NDST3: variants seen among roughly 807,000 people sequenced by gnomAD.
The protein encoded by NDST3 is N-deacetylase and N-sulfotransferase 3.
Under a neutral mutation model 96.1 loss-of-function variants are expected in NDST3, and 58 were observed. The ratio of observed to expected loss-of-function variants is 0.60; its 90% CI spans 0.49 to 0.75. NDST3 has a LOEUF of 0.75. NDST3 is among the 30% of genes least tolerant of loss of function. The probability of loss-of-function intolerance (pLI) is 0.00; values close to 1 mark genes in which losing one functional copy is unlikely to be tolerated. For synonymous variants in NDST3, 333 were observed against 359.7 expected, an observed-to-expected ratio of 0.93 and a Z score of 0.84; for missense variants, 788 against 1,034.2, an observed-to-expected ratio of 0.76 and a Z score of 3.27.
intron 1 of NDST3, among the ~76,000 whole-genome samples, chr4:118,039,842 G>C (rs1236233700): frequency 6.6e-6 from 1 of 152,154 alleles, no homozygotes; most frequent in Non-Finnish European, 1.5e-5. Flanking sequence ...ACTTAGAAGG[G>C]AGAGCATCAT....
chr4:118,164,155 G>A (rs542598326), intron 6 of NDST3, among the ~76,000 whole-genome samples: 4 of 152,296 alleles, frequency 2.6e-5, no homozygotes, highest in Non-Finnish European at 4.4e-5. Context: ...GGAATACAAT[G>A]CAGCCATAGA....
intron 6 of NDST3, among the ~76,000 whole-genome samples, chr4:118,154,946 G>A (rs575758473): frequency 2.6e-5 from 4 of 152,066 alleles, no homozygotes; most frequent in Admixed American, 2.6e-4. Flanking sequence ...CTCCATGTAG[G>A]GTTAAAAAGC....
intron 1 of NDST3, among the ~76,000 whole-genome samples, chr4:118,040,486 A>C (rs920289788): frequency 6.6e-6 from 1 of 152,070 alleles, no homozygotes; most frequent in Non-Finnish European, 1.5e-5. Flanking sequence ...CTCTGCACTA[A>C]GGGTGGGCTT....
chr4:118,193,567 G>A (rs1737457677), intron 6 of NDST3: 1 of 1,099,592 alleles, frequency 9.1e-7, no homozygotes, highest in South Asian at 1.2e-5. Context: ...TCTTCTCCCA[G>A]GCAAGCTGCC....
chr4:118,132,454 T>G (rs1411716817), intron 4 of NDST3, among the ~76,000 whole-genome samples: 1 of 152,128 alleles, frequency 6.6e-6, no homozygotes, highest in Non-Finnish European at 1.5e-5. Flanking sequence ...GGATTCACCC[T>G]CTGCACAGTG....
At chr4:118,242,284 G>GA (rs200049944) in intron 12 of NDST3, 135 bp downstream of exon 12, 13,506 of 537,216 alleles carry the variant, frequency 0.025, 202 homozygotes, top group African/African-American at 0.083. Context: ...CATTAACCAC[G>GA]GAAAAAAAAA....
intron 2 of NDST3, among the ~76,000 whole-genome samples, chr4:118,088,855 T>A (rs893018726): frequency 2.0e-5 from 3 of 151,948 alleles, no homozygotes; most frequent in African/African-American, 7.2e-5. Context: ...CTTCCATGTC[T>A]AGACCGTTGC....
rs772004450 is a variant in NDST3 at position 118,143,633 on chromosome 4, G to A, written c.1488G>A (p.Leu496=). 2 of 1,608,894 alleles carry A rather than the reference G, an allele frequency of 1.2e-6. No individual in the cohort carries two copies. The highest frequency in any genetic ancestry group is 4.5e-5 in the East Asian group (2 of 44,622). The change falls in exon 6 of 14, where the codon CTG becomes CTA. Residue 496 remains leucine, a synonymous_variant. Transcript: ENST00000296499. ...AATATCCAGGGGGTCCTAAAGAGCT[G>A]GATAAGAGTATCCAAGGAGGAGAAC... ...YKEYPGGPKE[L]DKSIQGGELF...
At chr4:118,240,732 C>T in intron 11 of NDST3, 38 bp downstream of exon 11, 2 of 1,556,190 alleles carry the variant, frequency 1.3e-6, no homozygotes, top group South Asian at 2.4e-5. Context: ...GTTAGAATCT[C>T]ATTAAGTTGA....
intron 6 of NDST3, among the ~76,000 whole-genome samples, chr4:118,214,580 T>G (rs924984178): frequency 6.6e-6 from 1 of 152,208 alleles, no homozygotes; most frequent in Non-Finnish European, 1.5e-5. Context: ...ACAGTATGTA[T>G]CTACTGGACA....
chr4:118,126,514 G>GTGTATATATA (rs1553933921), intron 4 of NDST3, among the ~76,000 whole-genome samples: 1 of 49,260 alleles, frequency 2.0e-5, no homozygotes, highest in African/African-American at 4.2e-5. Flanking sequence ...GTATGTATGT[G>GTGTATATATA]TATATATATA....
chr4:118,255,515 C>A, intron 13 of NDST3, 78 bp from the exon 14 acceptor site: 1 of 1,405,476 alleles, frequency 7.1e-7, no homozygotes, highest in Non-Finnish European at 9.7e-7. Flanking sequence ...ATACTTGGTA[C>A]TTATTTCAAC....
chr4:118,053,852 CT>C lies in NDST3; in HGVS notation c.-55del. 1 of 1,514,100 alleles carries C rather than the reference CT, an allele frequency of 6.6e-7. No homozygotes were observed. The highest frequency in any genetic ancestry group is 8.8e-7 in the Non-Finnish European group (1 of 1,134,422). 93.8% of individuals were successfully genotyped at this position (1,514,100 alleles called of 1,614,324 possible). A position where few individuals can be genotyped will look rare whatever the true frequency, so the allele number is the denominator to read the frequency against. ...ATTGGAAAAGTAGCTGGAACACCAT[CT>C]TTTCTTTTAACTTTTTATGGTGCTT... On this transcript the variant is annotated 5_prime_UTR_variant, in exon 2 of 14. Coordinates refer to ENST00000296499, the MANE Select transcript of NDST3 (RefSeq NM_004784.3).
intron 4 of NDST3, among the ~76,000 whole-genome samples, chr4:118,132,213 T>C (rs529803235): frequency 1.3e-5 from 2 of 152,052 alleles, no homozygotes; most frequent in East Asian, 1.9e-4. Context: ...AGGATTAGAG[T>C]GAAAAACATT....
At chr4:118,145,360 C>T (rs1234596926) in intron 6 of NDST3, among the ~76,000 whole-genome samples, 4 of 152,148 alleles carry the variant, frequency 2.6e-5, no homozygotes, top group African/African-American at 9.7e-5. Flanking sequence ...CATAGAGCAA[C>T]AGAAGTATTA....
intron 6 of NDST3, among the ~76,000 whole-genome samples, chr4:118,198,148 T>C (rs1452163051): frequency 1.3e-5 from 2 of 152,146 alleles, no homozygotes; most frequent in Non-Finnish European, 2.9e-5. Context: ...AAGAACTGTG[T>C]CCATTTACAT....
chr4:118,224,997 G>A lies in NDST3; in HGVS notation c.1722+324G>A, dbSNP rs186276963. ...AAGAGTAGAAGATGGTAAACAGGTCGTTTGTTAGACAGGTAGCCTTTGAAC... is the reference window on the plus strand; with the variant it reads ...AAGAGTAGAAGATGGTAAACAGGTCATTTGTTAGACAGGTAGCCTTTGAAC... On this transcript the variant is annotated intron_variant, in intron 7 of 13. Transcript: ENST00000296499. Among the ~76,000 whole-genome samples the A allele has an allele frequency of 3.7e-4, 56 of 152,212 alleles. No individual in the cohort carries two copies. In the East Asian group the frequency reaches 9.9e-3, roughly 27 times the overall value.
At chr4:118,237,937 C>A (rs1740747915) in intron 10 of NDST3, among the ~76,000 whole-genome samples, 1 of 151,934 alleles carries the variant, frequency 6.6e-6, no homozygotes, top group Admixed American at 6.6e-5. Flanking sequence ...TCAAGACCAG[C>A]CTGGGCAACA....
At chr4:118,192,466 G>A (rs925347569) in intron 6 of NDST3, among the ~76,000 whole-genome samples, 6 of 152,078 alleles carry the variant, frequency 3.9e-5, no homozygotes, top group South Asian at 2.1e-4. Flanking sequence ...TTTATGTGGC[G>A]AGAGATAGGC....
Sources: gnomAD v4.1 joint callset for allele counts (sites outside exome capture counted in the v4.1 genomes callset) on GRCh38, gnomAD v4.1.1 for gene constraint, MANE v1.5 for transcripts, NCBI Gene and HGNC (gene_info 2026-07-23, HGNC 2026-07-21) for gene names.